The following NKAIN3 variants were observed in gnomAD, a reference collection of about 807,000 sequenced individuals.
NKAIN3 encodes the protein sodium/potassium transporting ATPase interacting 3.
A neutral mutation model predicts 30.2 loss-of-function variants in NKAIN3; 25 were observed. The observed-to-expected ratio is 0.83, with a 90% CI of 0.60 to 1.16. NKAIN3 has a LOEUF of 1.16. Ranked by LOEUF, NKAIN3 falls within the 50% of genes most tolerant of loss-of-function variation. The pLI, the probability that NKAIN3 is intolerant of heterozygous loss-of-function variation, is 0.00. For synonymous variants in NKAIN3, 91 were observed against 89.6 expected, an observed-to-expected ratio of 1.02 and a Z score of -0.09; for missense variants, 225 against 254.1, an observed-to-expected ratio of 0.89 and a Z score of 0.78.
At chr8:62,285,362 TG>T (rs1423399018) in intron 1 of NKAIN3, among the ~76,000 whole-genome samples, 1 of 152,180 alleles carries the variant, frequency 6.6e-6, no homozygotes, top group Non-Finnish European at 1.5e-5. Flanking sequence ...GTCTGCTTTA[TG>T]GGGGGAAATT....
chr8:62,672,419 C>T (rs1813332530), intron 3 of NKAIN3, among the ~76,000 whole-genome samples: 1 of 152,126 alleles, frequency 6.6e-6, no homozygotes, highest in African/African-American at 2.4e-5. Context: ...ACTCAAAAAG[C>T]CTGTTGATCC....
chr8:62,351,889 G>A (rs1215709862), intron 1 of NKAIN3, among the ~76,000 whole-genome samples: 3 of 152,162 alleles, frequency 2.0e-5, no homozygotes, highest in African/African-American at 2.4e-5. Flanking sequence ...ATGCTATGCA[G>A]GCATCCTGGG....
chr8:62,558,027 T>G (rs2129965490), intron 1 of NKAIN3, among the ~76,000 whole-genome samples: 1 of 152,286 alleles, frequency 6.6e-6, no homozygotes, highest in East Asian at 1.9e-4. Flanking sequence ...CTTCCAGAAT[T>G]TTTATAGTTT....
At chr8:62,250,675 G>T (rs1812072998) in intron 1 of NKAIN3, among the ~76,000 whole-genome samples, 1 of 152,124 alleles carries the variant, frequency 6.6e-6, no homozygotes, top group Admixed American at 6.5e-5. Flanking sequence ...TTATGTAGCA[G>T]ATTTATCAAT....
At chr8:62,600,361 C>T (rs1017818884) in intron 3 of NKAIN3, among the ~76,000 whole-genome samples, 1 of 151,986 alleles carries the variant, frequency 6.6e-6, no homozygotes, top group Non-Finnish European at 1.5e-5. Context: ...ATCTTATAGG[C>T]AGGGGACAGG....
intron 1 of NKAIN3, among the ~76,000 whole-genome samples, chr8:62,308,926 C>T (rs899720682): frequency 4.0e-5 from 6 of 150,514 alleles, no homozygotes; most frequent in East Asian, 3.9e-4. Flanking sequence ...TATTCTTTTG[C>T]CTCTCTCTTG....
chr8:62,293,459 A>G (rs1211119687), intron 1 of NKAIN3, among the ~76,000 whole-genome samples: 3 of 152,178 alleles, frequency 2.0e-5, no homozygotes, highest in African/African-American at 7.2e-5. Flanking sequence ...TCTAACAGTC[A>G]GGACCGTCAG....
At chr8:62,941,752 G>A (rs993896956) in intron 5 of NKAIN3, among the ~76,000 whole-genome samples, 2 of 152,070 alleles carry the variant, frequency 1.3e-5, no homozygotes, top group African/African-American at 4.8e-5. Context: ...TGGCATAGAA[G>A]AGACATACCT....
chr8:62,266,801 A>G (rs1812620829), intron 1 of NKAIN3, among the ~76,000 whole-genome samples: 1 of 152,176 alleles, frequency 6.6e-6, no homozygotes, highest in Non-Finnish European at 1.5e-5. Flanking sequence ...CGACAACTCA[A>G]AGGTTACCAC....
intron 4 of NKAIN3, among the ~76,000 whole-genome samples, chr8:62,806,058 C>T (rs1217823597): frequency 6.6e-6 from 1 of 152,200 alleles, no homozygotes; most frequent in Non-Finnish European, 1.5e-5. Flanking sequence ...AAAAAATGCT[C>T]ACCATCACTG....
At chr8:62,569,648 T>C (rs1809867125) in intron 1 of NKAIN3, among the ~76,000 whole-genome samples, 1 of 152,036 alleles carries the variant, frequency 6.6e-6, no homozygotes, top group African/African-American at 2.4e-5. Context: ...TGGTGACTCA[T>C]ACCTGTATTC....
chr8:62,562,703 G>T (rs1293356619), intron 1 of NKAIN3, among the ~76,000 whole-genome samples: 1 of 152,236 alleles, frequency 6.6e-6, no homozygotes, highest in African/African-American at 2.4e-5. Context: ...TTTCAAATGA[G>T]AGTCACTTAT....
intron 1 of NKAIN3, among the ~76,000 whole-genome samples, chr8:62,368,700 C>T (rs1460979459): frequency 6.6e-6 from 1 of 152,100 alleles, no homozygotes; most frequent in Non-Finnish European, 1.5e-5. Context: ...GGACATCTGC[C>T]TATCATCTGT....
intron 3 of NKAIN3, among the ~76,000 whole-genome samples, chr8:62,595,182 A>C (rs1322476431): frequency 6.6e-6 from 1 of 151,960 alleles, no homozygotes; most frequent in Non-Finnish European, 1.5e-5. Flanking sequence ...TAATATTTTT[A>C]AATTTTGTGT....
chr8:62,764,225 TTCCATGTGCCTGG>T (rs1186249503), intron 4 of NKAIN3, among the ~76,000 whole-genome samples: 2 of 152,214 alleles, frequency 1.3e-5, no homozygotes, highest in Non-Finnish European at 2.9e-5. Context: ...ACTGAACATA[TTCCATGTGCCTGG>T]TATCTTTCTT....
At chr8:62,806,940 G>A (rs1017159492) in intron 4 of NKAIN3, among the ~76,000 whole-genome samples, 49 of 152,196 alleles carry the variant, frequency 3.2e-4, no homozygotes, top group African/African-American at 1.1e-3. Flanking sequence ...AGGGCACAGA[G>A]GATAGTGCGT....
At chr8:62,549,317 G>C (rs1411587581) in intron 1 of NKAIN3, among the ~76,000 whole-genome samples, 1 of 152,046 alleles carries the variant, frequency 6.6e-6, no homozygotes, top group African/African-American at 2.4e-5. Context: ...TGTTTTCTCT[G>C]CTGCACTTCT....
At chr8:62,284,300 A>G (rs1813298941) in intron 1 of NKAIN3, among the ~76,000 whole-genome samples, 1 of 152,018 alleles carries the variant, frequency 6.6e-6, no homozygotes, top group South Asian at 2.1e-4. Context: ...GTCTTCTTCC[A>G]CTTTTTTTGG....
chr8:62,938,235 T>C (rs1410250570), intron 5 of NKAIN3, among the ~76,000 whole-genome samples: 1 of 152,088 alleles, frequency 6.6e-6, no homozygotes, highest in Non-Finnish European at 1.5e-5. Context: ...ATCCTCCCTA[T>C]ACTACTACAG....
Sources: gnomAD v4.1 joint callset for allele counts (sites outside exome capture counted in the v4.1 genomes callset) on GRCh38, gnomAD v4.1.1 for gene constraint, MANE v1.5 for transcripts, NCBI Gene and HGNC (gene_info 2026-07-23, HGNC 2026-07-21) for gene names.